Variants in UNC5D observed in about 807,000 individuals in gnomAD.
The protein encoded by UNC5D is unc-5 netrin receptor D, also known as netrin receptor UNC5D.
A neutral mutation model predicts 105.4 loss-of-function variants in UNC5D; 39 were observed. The ratio of observed to expected loss-of-function variants is 0.37; its 90% CI spans 0.29 to 0.48. The LOEUF (loss-of-function observed/expected upper bound fraction) is 0.48. Ranked by LOEUF, UNC5D falls within the 20% of genes least tolerant of loss-of-function variation. The pLI is 0.98. For missense variants in UNC5D, 991 were observed against 1,202.4 expected (o/e 0.82, Z 2.60); for synonymous variants, 452 against 450.4 (o/e 1.00, Z -0.04).
chr8:35,397,407 A>C (rs2128946852), intron 1 of UNC5D, among the ~76,000 whole-genome samples: 1 of 152,368 alleles, frequency 6.6e-6, no homozygotes, highest in South Asian at 2.1e-4. Context: ...GATGCCAGGC[A>C]AGGGCCAGCC....
intron 1 of UNC5D, among the ~76,000 whole-genome samples, chr8:35,501,305 C>A (rs1401906242): frequency 6.6e-6 from 1 of 152,230 alleles, no homozygotes; most frequent in Non-Finnish European, 1.5e-5. Context: ...GAGTCCCCAC[C>A]AGTTGGCCTC....
chr8:35,721,881 A>G (rs1828601903), intron 8 of UNC5D, among the ~76,000 whole-genome samples: 1 of 152,242 alleles, frequency 6.6e-6, no homozygotes, highest in Admixed American at 6.5e-5. Context: ...TTTGCAGGTA[A>G]ACATGACATC....
At chr8:35,308,827 G>T (rs1347829682) in intron 1 of UNC5D, among the ~76,000 whole-genome samples, 1 of 151,962 alleles carries the variant, frequency 6.6e-6, no homozygotes, top group Non-Finnish European at 1.5e-5. Flanking sequence ...TAATACATTT[G>T]CTTGCCATGG....
chr8:35,297,514 A>G (rs1807583662), intron 1 of UNC5D, among the ~76,000 whole-genome samples: 1 of 152,128 alleles, frequency 6.6e-6, no homozygotes, highest in South Asian at 2.1e-4. Flanking sequence ...TCCCCTTTGT[A>G]GGTTGGCTGA....
intron 2 of UNC5D, among the ~76,000 whole-genome samples, chr8:35,556,413 G>T (rs1332722553): frequency 2.0e-5 from 3 of 152,140 alleles, no homozygotes; most frequent in African/African-American, 7.2e-5. Flanking sequence ...GTCCATGGCA[G>T]TGTTACAGAA....
chr8:35,673,925 T>C (rs888456808), intron 4 of UNC5D, among the ~76,000 whole-genome samples: 6 of 152,172 alleles, frequency 3.9e-5, no homozygotes, highest in African/African-American at 1.2e-4. Context: ...TTCTACACAG[T>C]GCCAAAAGCA....
rs532493550 is a variant in UNC5D, at chr8:35,707,340, T to C, written c.1117+1379T>C. On this transcript the variant is annotated intron_variant, in intron 8 of 16. Coordinates refer to ENST00000404895, the MANE Select transcript of UNC5D (RefSeq NM_080872.4). ...AAACAGCAAAAATAAACATTTAAAC[T>C]TATTTCCCTGCTGTCTGCTGCCCAT... Among the ~76,000 whole-genome samples, 6 of 152,294 alleles carry C rather than the reference T, an allele frequency of 3.9e-5. No individual in the cohort carries two copies. In the South Asian group the frequency reaches 1.2e-3, roughly 32 times the overall value.
chr8:35,544,448 A>G, intron 1 of UNC5D: 3 of 1,613,620 alleles, frequency 1.9e-6, no homozygotes, highest in Non-Finnish European at 2.5e-6. Context: ...CTGGGGGTGG[A>G]TGATCCTGGT....
At chr8:35,333,227 A>G (rs1563321098) in intron 1 of UNC5D, among the ~76,000 whole-genome samples, 1 of 152,106 alleles carries the variant, frequency 6.6e-6, no homozygotes, top group Non-Finnish European at 1.5e-5. Flanking sequence ...AGGTTGAGGC[A>G]GGAGGATTGC....
intron 1 of UNC5D, among the ~76,000 whole-genome samples, chr8:35,488,938 T>C (rs556536202): frequency 6.6e-6 from 1 of 152,070 alleles, no homozygotes; most frequent in Admixed American, 6.6e-5. Context: ...GGATTTTGCA[T>C]GTGACAAGAA....
At chr8:35,433,875 A>C (rs1473409941) in intron 1 of UNC5D, among the ~76,000 whole-genome samples, 15 of 151,694 alleles carry the variant, frequency 9.9e-5, no homozygotes. Flanking sequence ...AGAAAAAGAA[A>C]AAAAAGAAAA....
At chr8:35,701,607 T>A (rs541688888) in intron 7 of UNC5D, among the ~76,000 whole-genome samples, 1 of 152,158 alleles carries the variant, frequency 6.6e-6, no homozygotes, top group Non-Finnish European at 1.5e-5. Flanking sequence ...AAAGGTAGAT[T>A]GTTCTCTTTC....
At chr8:35,301,611 G>A (rs557775605) in intron 1 of UNC5D, among the ~76,000 whole-genome samples, 1 of 152,242 alleles carries the variant, frequency 6.6e-6, no homozygotes, top group African/African-American at 2.4e-5. Context: ...TATTGAGTTG[G>A]CTGCCTCTGA....
intron 11 of UNC5D, among the ~76,000 whole-genome samples, chr8:35,737,207 G>A (rs976477224): frequency 4.0e-5 from 6 of 151,640 alleles, no homozygotes; most frequent in Non-Finnish European, 7.4e-5. Context: ...GCTGTCAGCG[G>A]GGAGTTTTGA....
chr8:35,492,481 C>T (rs1305853089), intron 1 of UNC5D, among the ~76,000 whole-genome samples: 1 of 151,934 alleles, frequency 6.6e-6, no homozygotes, highest in African/African-American at 2.4e-5. Context: ...TTGGGTTCTC[C>T]AAAGCTGTTG....
At chr8:35,283,048 C>G (rs983065093) in intron 1 of UNC5D, among the ~76,000 whole-genome samples, 1 of 152,116 alleles carries the variant, frequency 6.6e-6, no homozygotes, top group African/African-American at 2.4e-5. Context: ...GTGATCAACA[C>G]AAACATTATT....
chr8:35,704,111 T>C (rs936276160), intron 7 of UNC5D, among the ~76,000 whole-genome samples: 4 of 152,184 alleles, frequency 2.6e-5, no homozygotes, highest in African/African-American at 4.8e-5. Context: ...CAAATTATTA[T>C]CTTTTATAAG....
At chr8:35,750,166 C>A (rs866961488) in intron 12 of UNC5D, among the ~76,000 whole-genome samples, 196 of 151,932 alleles carry the variant, frequency 1.3e-3, no homozygotes, top group African/African-American at 4.6e-3. Flanking sequence ...GAAATGGAGT[C>A]TTGCTTTATT....
intron 12 of UNC5D, among the ~76,000 whole-genome samples, chr8:35,749,325 T>C (rs192083932): frequency 6.6e-6 from 1 of 152,096 alleles, no homozygotes; most frequent in South Asian, 2.1e-4. Context: ...CAGATTGCAA[T>C]TGAATTACTA....
Sources: gnomAD v4.1 joint callset for allele counts (sites outside exome capture counted in the v4.1 genomes callset) on GRCh38, gnomAD v4.1.1 for gene constraint, MANE v1.5 for transcripts, NCBI Gene and HGNC (gene_info 2026-07-23, HGNC 2026-07-21) for gene names.